The following WAC variants were observed in gnomAD, a reference collection of about 807,000 sequenced individuals.
WAC encodes WW domain-containing adapter protein with coiled-coil.
Under a neutral mutation model 79.6 loss-of-function variants are expected in WAC, and 11 were observed. The observed-to-expected ratio is 0.14, with a 90% confidence interval of 0.09 to 0.23. WAC has a LOEUF of 0.23. WAC is among the 10% of genes least tolerant of loss of function. The pLI is 1.00. For synonymous variants in WAC, 304 were observed against 276.9 expected (o/e 1.10, Z -0.97); for missense variants, 728 against 773.5 (o/e 0.94, Z 0.70).
At chr10:28,610,956 T>G (rs1043168006) in intron 9 of WAC, 135 bp downstream of exon 9, 8 of 1,026,154 alleles carry the variant, frequency 7.8e-6, no homozygotes, top group Admixed American at 3.1e-5. Flanking sequence ...AATAATTTTG[T>G]TTTTTTTGTA....
chr10:28,604,798 T>C (rs1201846973), intron 7 of WAC, among the ~76,000 whole-genome samples: 3 of 152,172 alleles, frequency 2.0e-5, no homozygotes, highest in Admixed American at 6.5e-5. Context: ...ATAAATGTTA[T>C]GTAATAGAAG....
chr10:28,563,744 CTTTTTTTTTT>C (rs71281550), intron 3 of WAC, among the ~76,000 whole-genome samples: 35 of 67,910 alleles, frequency 5.2e-4, no homozygotes, highest in South Asian at 1.4e-3. Flanking sequence ...CTACACCCAG[CTTTTTTTTTT>C]TTTTTTTTTT....
At chr10:28,584,450 T>C (rs902012263) in intron 4 of WAC, among the ~76,000 whole-genome samples, 5 of 152,154 alleles carry the variant, frequency 3.3e-5, no homozygotes, top group African/African-American at 1.2e-4. Flanking sequence ...AGAAGCTCTA[T>C]GTCATGCCAA....
intron 3 of WAC, among the ~76,000 whole-genome samples, chr10:28,543,664 C>T (rs1837184794): frequency 6.6e-6 from 1 of 152,142 alleles, no homozygotes; most frequent in Admixed American, 6.5e-5. Flanking sequence ...GTTAATGGGT[C>T]CTTGAGCTAT....
chr10:28,539,135 C>T (rs982496079), intron 3 of WAC, among the ~76,000 whole-genome samples: 4 of 151,954 alleles, frequency 2.6e-5, no homozygotes, highest in Admixed American at 6.6e-5. Context: ...GGAACTTGTG[C>T]GTTTGTTTAC....
rs149704996 is a variant in WAC, at chr10:28,615,000, C to G, written c.1556+315C>G. On this transcript the variant is annotated intron_variant, in intron 11 of 13. Transcript: ENST00000354911. The stretch of plus-strand genomic sequence containing the variant: ...ATTTTACAATATTTGTTGGAATTAC[C>G]TTACTTTTTAACCTCCTCATAGCAG... 8.9e-3 allele frequency: 1,757 copies of G among 197,074 alleles called. 71 individuals are homozygous for G. Among genetic ancestry groups the G allele is most frequent in the Admixed American group, 0.079 (1,364 of 17,272 alleles). The allele number at this position is 197,074 out of a possible 1,614,324, so 12.2% of individuals were successfully genotyped here.
intron 3 of WAC, among the ~76,000 whole-genome samples, chr10:28,552,845 C>CTTTTTTTTTTT (rs3029447): frequency 1.2e-3 from 103 of 84,336 alleles, no homozygotes; most frequent in Non-Finnish European, 1.5e-3. Flanking sequence ...CACTTGGCTG[C>CTTTTTTTTTTT]TTTTTTTTTT....
At chr10:28,601,611 T>A (rs531669045) in intron 7 of WAC, among the ~76,000 whole-genome samples, 1 of 152,254 alleles carries the variant, frequency 6.6e-6, no homozygotes, top group Non-Finnish European at 1.5e-5. Flanking sequence ...ATGCGGGTGT[T>A]CCTAGTAATT....
At chr10:28,560,014 A>G (rs1838215239) in intron 3 of WAC, among the ~76,000 whole-genome samples, 1 of 152,118 alleles carries the variant, frequency 6.6e-6, no homozygotes, top group African/African-American at 2.4e-5. Context: ...GATAATTTTG[A>G]AAGAATCAAC....
intron 1 of WAC, 59 bp from the exon 2 acceptor site, chr10:28,533,939 T>C (rs1836453476): frequency 6.3e-7 from 1 of 1,593,176 alleles, no homozygotes; most frequent in Admixed American, 1.7e-5. Context: ...GTTTTCTTCC[T>C]CCCCGGCCCC....
intron 2 of WAC, among the ~76,000 whole-genome samples, chr10:28,535,046 A>T (rs138368748): frequency 1.1e-3 from 171 of 151,582 alleles, no homozygotes; most frequent in Non-Finnish European, 2.0e-3. Context: ...TGTTTCCCAC[A>T]CCTGGGAGAG....
At chr10:28,613,170 C>T (rs11007162) in intron 10 of WAC, among the ~76,000 whole-genome samples, 4,478 of 152,196 alleles carry the variant, frequency 0.029, 228 homozygotes, top group African/African-American at 0.1. Context: ...GAGTTTGAAA[C>T]AAGCCTGGCC....
Position 28,585,348 on chromosome 10 carries a change from C to T in WAC, c.381+1843C>T, listed in dbSNP as rs539359762. ...GTAACAACGGCGGCTGCTCCTTTCTCCTGCCTTTCATTCGTCTAATGCTTC... is the reference window on the plus strand; with the variant it reads ...GTAACAACGGCGGCTGCTCCTTTCTTCTGCCTTTCATTCGTCTAATGCTTC... On this transcript the variant is annotated intron_variant, in intron 4 of 13. Coordinates refer to ENST00000354911, the MANE Select transcript of WAC (RefSeq NM_016628.5). Among the ~76,000 whole-genome samples, 53 of 152,138 alleles carry T rather than the reference C, an allele frequency of 3.5e-4. No individual in the cohort carries two copies. The East Asian group carries it at 6.8e-3, about 19-fold the overall frequency.
chr10:28,595,612 G>A, intron 6 of WAC, 121 bp from the exon 7 acceptor site: 1 of 982,448 alleles, frequency 1.0e-6, no homozygotes. Flanking sequence ...TTTTATAAAA[G>A]AATATGTAAG....
At chr10:28,591,878 T>C (rs1429090152) in intron 6 of WAC, 1 of 151,748 alleles carries the variant, frequency 6.6e-6, no homozygotes, top group Admixed American at 6.6e-5. Context: ...TCACATAGAC[T>C]TCCTGGGTTC....
intron 3 of WAC, among the ~76,000 whole-genome samples, chr10:28,573,858 C>T (rs1455830849): frequency 1.3e-5 from 2 of 151,780 alleles, no homozygotes; most frequent in Non-Finnish European, 2.9e-5. Flanking sequence ...ACTGTCATCC[C>T]CCAACACCCC....
At chr10:28,604,733 T>TAAAAC (rs1031221705) in intron 7 of WAC, among the ~76,000 whole-genome samples, 2 of 152,188 alleles carry the variant, frequency 1.3e-5, no homozygotes, top group African/African-American at 4.8e-5. Flanking sequence ...AAAGAAAAGA[T>TAAAAC]ACAACACAAT....
rs1379322073 is a variant in WAC at position 28,547,920 on chromosome 10, T to TC, written c.274+12163_274+12164insC. ...TTAATTTTCTTTCTCTTTTTCTTTT[T>TC]TTTTTTTTTTCTTCTTTGAGAGAGA... On this transcript the variant is annotated intron_variant, in intron 3 of 13. Coordinates refer to ENST00000354911, the MANE Select transcript of WAC (RefSeq NM_016628.5). Among the ~76,000 whole-genome samples, 38 of 150,248 alleles carry TC rather than the reference T, an allele frequency of 2.5e-4. No homozygotes were observed. In the East Asian group the frequency reaches 2.9e-3, roughly 12 times the overall value.
rs1202500068 is a variant in WAC, at chr10:28,550,368, CT to C, written c.274+14623del. Among the ~76,000 whole-genome samples, 1,192 of 144,160 alleles carry C rather than the reference CT, an allele frequency of 8.3e-3. 14 individuals are homozygous for C. Among genetic ancestry groups the C allele is most frequent in the African/African-American group, 0.026 (1,018 of 39,548 alleles). 94.6% of individuals were successfully genotyped at this position (144,160 alleles called of 152,430 possible). ...TGTCCTCTCTCCACTCCTACCTCAC[CT>C]TTTTTTTTTTTCCTTTGCCAAACCT... is the stretch of plus-strand genomic sequence containing the variant. On this transcript the variant is annotated intron_variant, in intron 3 of 13. Transcript: ENST00000354911.
Sources: gnomAD v4.1 joint callset for allele counts (sites outside exome capture counted in the v4.1 genomes callset) on GRCh38, gnomAD v4.1.1 for gene constraint, MANE v1.5 for transcripts, NCBI Gene and HGNC (gene_info 2026-07-23, HGNC 2026-07-21) for gene names.